The following GSE1 variants were observed in gnomAD, a reference collection of about 807,000 sequenced individuals.
The protein encoded by GSE1 is genetic suppressor element 1.
In GSE1, 32 loss-of-function variants were observed where a neutral mutation model predicts 112.6. That is an observed-to-expected ratio of 0.28 (90% CI 0.21 to 0.38). The LOEUF (loss-of-function observed/expected upper bound fraction) is 0.38. Ranked by LOEUF, GSE1 falls within the 10% of genes least tolerant of loss-of-function variation. The probability of loss-of-function intolerance (pLI) is 1.00; values close to 1 mark genes in which losing one functional copy is unlikely to be tolerated. For synonymous variants in GSE1, 1,115 were observed against 735.6 expected, an observed-to-expected ratio of 1.52 and a Z score of -8.35; for missense variants, 2,348 against 1,699.2, an observed-to-expected ratio of 1.38 and a Z score of -6.71.
intron 2 of GSE1, among the ~76,000 whole-genome samples, chr16:85,645,672 C>A (rs553396697): frequency 1.3e-5 from 2 of 152,350 alleles, no homozygotes; most frequent in African/African-American, 4.8e-5. Flanking sequence ...TGCGCGTGCC[C>A]ACTCCGGACA....
chr16:85,196,596 G>C (rs1165471622), intron 1 of GSE1, among the ~76,000 whole-genome samples: 2 of 152,130 alleles, frequency 1.3e-5, no homozygotes, highest in Non-Finnish European at 2.9e-5. Context: ...GAGGCCTTTG[G>C]TAAGCATTGT....
At chr16:85,293,944 G>C (rs2045292258) in intron 1 of GSE1, among the ~76,000 whole-genome samples, 1 of 152,212 alleles carries the variant, frequency 6.6e-6, no homozygotes, top group Non-Finnish European at 1.5e-5. Flanking sequence ...TGCTGAGTCT[G>C]TGGTGGACCT....
intron 1 of GSE1, among the ~76,000 whole-genome samples, chr16:85,342,533 C>G (rs961626565): frequency 6.6e-6 from 1 of 152,154 alleles, no homozygotes; most frequent in Non-Finnish European, 1.5e-5. Context: ...GCAGCCCCAC[C>G]AGCCCCCACT....
At chr16:85,521,651 C>T (rs1052650903) in intron 2 of GSE1, among the ~76,000 whole-genome samples, 1 of 152,244 alleles carries the variant, frequency 6.6e-6, no homozygotes, top group African/African-American at 2.4e-5. Context: ...TGTTTGCAGC[C>T]TCCCTGTCCC....
At chr16:85,234,980 C>T (rs1173314506) in intron 1 of GSE1, among the ~76,000 whole-genome samples, 6 of 152,114 alleles carry the variant, frequency 3.9e-5, no homozygotes, top group South Asian at 2.1e-4. Context: ...GAGAGAGAGG[C>T]CAATCTGGGC....
At chr16:85,497,255 G>C (rs1321208387) in intron 2 of GSE1, among the ~76,000 whole-genome samples, 1 of 152,180 alleles carries the variant, frequency 6.6e-6, no homozygotes, top group Admixed American at 6.5e-5. Context: ...AGGCGGAGTG[G>C]GTGGGCGCAC....
intron 2 of GSE1, among the ~76,000 whole-genome samples, chr16:85,500,622 G>A (rs1008516602): frequency 3.3e-5 from 5 of 152,210 alleles, no homozygotes; most frequent in Admixed American, 6.5e-5. Flanking sequence ...CCAGGGCATC[G>A]GCCAGCCGCT....
At chr16:85,571,951 G>A (rs984219293) in intron 1 of GSE1, among the ~76,000 whole-genome samples, 22 of 152,086 alleles carry the variant, frequency 1.4e-4, no homozygotes, top group African/African-American at 5.1e-4. Flanking sequence ...TTGTCAAGTG[G>A]TATTGGATGT....
At chr16:85,595,180 A>G (rs1214658706) in intron 1 of GSE1, 1 of 152,392 alleles carries the variant, frequency 6.6e-6, no homozygotes, top group African/African-American at 2.4e-5. Flanking sequence ...AGTACAGACC[A>G]GCACATGGTC....
chr16:85,486,522 C>T (rs886871550), intron 2 of GSE1, among the ~76,000 whole-genome samples: 2 of 152,248 alleles, frequency 1.3e-5, no homozygotes, highest in African/African-American at 2.4e-5. Flanking sequence ...GGCATGTCTC[C>T]TGTCTTAGAA....
At chr16:85,371,812 C>T (rs1775729874) in intron 2 of GSE1, among the ~76,000 whole-genome samples, 1 of 152,218 alleles carries the variant, frequency 6.6e-6, no homozygotes, top group Non-Finnish European at 1.5e-5. Flanking sequence ...GAGGGGGAAA[C>T]TGAGGCTGCT....
chr16:85,498,542 T>C (rs2051257515), intron 2 of GSE1, among the ~76,000 whole-genome samples: 1 of 102,916 alleles, frequency 9.7e-6, no homozygotes, highest in South Asian at 4.1e-4. Flanking sequence ...CAGACATCCA[T>C]GCATATAGAC....
At chr16:85,170,002 C>T (rs1297007996) in exon 1 of GSE1, 11 of 984,210 alleles carry the variant, frequency 1.1e-5, no homozygotes, top group Non-Finnish European at 1.3e-5. Context: ...TGGCGGCCCC[C>T]GGCTGCGCGG....
rs1363253375 is a variant in GSE1 at position 85,584,863 on chromosome 16, G to A, written c.37+28500G>A. Among the ~76,000 whole-genome samples, 4 of 151,820 alleles carry A rather than the reference G, an allele frequency of 2.6e-5. 1 individual carries two copies. Among genetic ancestry groups the A allele is most frequent in the Non-Finnish European group, 5.9e-5 (4 of 67,944 alleles). ...GATGGAAACGCGTGCCAAGGTGGAG[G>A]CTGCCAAGACCCTCGCCCCCTGCAC... On this transcript the variant is annotated intron_variant, in intron 1 of 2. Transcript: ENST00000635906.
chr16:85,639,073 C>T (rs921388891), intron 2 of GSE1, among the ~76,000 whole-genome samples: 2 of 152,240 alleles, frequency 1.3e-5, no homozygotes, highest in Non-Finnish European at 2.9e-5. Flanking sequence ...GCACCCCCAG[C>T]CCCTTCCCAG....
chr16:85,378,087 C>G (rs1257123713), intron 2 of GSE1, among the ~76,000 whole-genome samples: 18 of 152,200 alleles, frequency 1.2e-4, no homozygotes, highest in Non-Finnish European at 2.9e-5. Context: ...ACCCCCACCC[C>G]CATCCCCCGC....
chr16:85,647,844 C>G (rs113042029), intron 2 of GSE1, among the ~76,000 whole-genome samples: 29,644 of 152,106 alleles, frequency 0.19, 3,520 homozygotes, highest in Non-Finnish European at 0.27. Context: ...CTCGGCCTCC[C>G]AAAGTGCTGG....
chr16:85,478,988 C>T (rs1180195391), intron 2 of GSE1, among the ~76,000 whole-genome samples: 7 of 120,116 alleles, frequency 5.8e-5, no homozygotes, highest in African/African-American at 2.4e-4. Flanking sequence ...TCCTTCCTTC[C>T]TTCCTTCTTT....
At chr16:85,201,316 G>A (rs890061626) in intron 1 of GSE1, among the ~76,000 whole-genome samples, 6 of 149,170 alleles carry the variant, frequency 4.0e-5, no homozygotes, top group Non-Finnish European at 8.9e-5. Context: ...AGTGATCCTT[G>A]CAACTCATGT....
Sources: gnomAD v4.1 joint callset for allele counts (sites outside exome capture counted in the v4.1 genomes callset) on GRCh38, gnomAD v4.1.1 for gene constraint, MANE v1.5 for transcripts, NCBI Gene and HGNC (gene_info 2026-07-23, HGNC 2026-07-21) for gene names.